The following ADAM23 variants were observed in gnomAD, a reference collection of about 807,000 sequenced individuals.
The protein encoded by ADAM23 is ADAM metallopeptidase domain 23.
ADAM23 carries 33 observed loss-of-function variants against 120.1 expected under a neutral mutation model. The observed-to-expected ratio is 0.27, with a 90% CI of 0.21 to 0.37. The LOEUF (loss-of-function observed/expected upper bound fraction) is 0.37, where lower values mean the gene tolerates loss of function less well. Among genes scored for constraint, ADAM23 ranks in the 10% least tolerant of loss-of-function variants. The pLI, the probability that ADAM23 is intolerant of heterozygous loss-of-function variation, is 1.00. For missense variants in ADAM23, 862 were observed against 1,058.2 expected (o/e 0.81, Z 2.57); for synonymous variants, 367 against 375.2 (o/e 0.98, Z 0.25).
At chr2:206,533,045 A>G (rs1697099432) in intron 4 of ADAM23, among the ~76,000 whole-genome samples, 2 of 152,104 alleles carry the variant, frequency 1.3e-5, no homozygotes, top group South Asian at 2.1e-4. Flanking sequence ...TTTTTAAAGC[A>G]TTTGTAAATA....
At chr2:206,473,064 A>G (rs904835239) in intron 2 of ADAM23, among the ~76,000 whole-genome samples, 4 of 152,130 alleles carry the variant, frequency 2.6e-5, no homozygotes, top group Non-Finnish European at 1.5e-5. Flanking sequence ...TCGGGCATGT[A>G]TGTTTCCCCC....
chr2:206,567,172 G>A, intron 14 of ADAM23, 51 bp from the exon 15 acceptor site: 1 of 1,403,900 alleles, frequency 7.1e-7, no homozygotes, highest in Non-Finnish European at 1.0e-6. Context: ...TTTCTTCTCT[G>A]ATGATTGCTT....
At chr2:206,597,485 G>A (rs1314578109) in intron 24 of ADAM23, among the ~76,000 whole-genome samples, 1 of 152,048 alleles carries the variant, frequency 6.6e-6, no homozygotes, top group Non-Finnish European at 1.5e-5. Flanking sequence ...ATCTTATAAT[G>A]TAGTCTGTGT....
rs1208838706 is a variant in ADAM23 at position 206,443,775 on chromosome 2, G to T, written c.-92G>T. The T allele has an allele frequency of 2.8e-6, 2 of 702,204 alleles. No individual in the cohort carries two copies. Among genetic ancestry groups the T allele is most frequent in the African/African-American group, 3.9e-5 (2 of 50,692 alleles). The allele number at this position is 702,204 out of a possible 1,614,324, so 43.5% of individuals were successfully genotyped here. On this transcript the variant is annotated 5_prime_UTR_variant, in exon 1 of 26. An upstream open reading frame in the 5' UTR gains an earlier in-frame stop. Transcript: ENST00000264377. Reference sequence around the variant, plus strand: ...TGCCCGCCGCGGCACCATGCGCGCCGAGCCGGCGTGACCGGCTCCGCCCGC... The same window carrying T: ...TGCCCGCCGCGGCACCATGCGCGCCTAGCCGGCGTGACCGGCTCCGCCCGC...
At chr2:206,521,046 C>G (rs528749485) in intron 3 of ADAM23, among the ~76,000 whole-genome samples, 2 of 152,014 alleles carry the variant, frequency 1.3e-5, no homozygotes, top group Non-Finnish European at 2.9e-5. Context: ...CAAATTGTAT[C>G]GTAGAGACTG....
chr2:206,508,655 C>CAAAAAAAAAAAA (rs34489352), intron 3 of ADAM23, among the ~76,000 whole-genome samples: 1 of 100,928 alleles, frequency 9.9e-6, no homozygotes, highest in African/African-American at 3.9e-5. Flanking sequence ...ACTCTGTCTC[C>CAAAAAAAAAAAA]AAAAAAAAAA....
chr2:206,573,416 A>G (rs532908686), intron 18 of ADAM23, among the ~76,000 whole-genome samples: 4 of 152,268 alleles, frequency 2.6e-5, no homozygotes, highest in Admixed American at 6.5e-5. Flanking sequence ...AGGTAATTTT[A>G]TGTAATATTT....
chr2:206,600,045 C>CA (rs1178431157), intron 24 of ADAM23, among the ~76,000 whole-genome samples: 2 of 152,022 alleles, frequency 1.3e-5, no homozygotes, highest in Admixed American at 6.5e-5. Context: ...ACTAAAAATA[C>CA]AAAAAAATTA....
rs115971848 is a variant in ADAM23 at position 206,540,759 on chromosome 2, T to C, written c.574-1293T>C. Reference sequence around the variant, plus strand: ...TGAAAAAAGAAAAATTGGTTGAAAGTAGATGTAGAGCGGTTAAGTCCCCAA... The same window carrying C: ...TGAAAAAAGAAAAATTGGTTGAAAGCAGATGTAGAGCGGTTAAGTCCCCAA... On this transcript the variant is annotated intron_variant, in intron 4 of 25. Coordinates refer to ENST00000264377, the MANE Select transcript of ADAM23 (RefSeq NM_003812.4). Among the ~76,000 whole-genome samples the C allele has an allele frequency of 1.7e-3, 263 of 151,920 alleles. 3 individuals carry two copies. The highest frequency in any genetic ancestry group is 6.2e-3 in the African/African-American group (257 of 41,434).
At chr2:206,516,092 C>T (rs923493319) in intron 3 of ADAM23, among the ~76,000 whole-genome samples, 2 of 151,696 alleles carry the variant, frequency 1.3e-5, no homozygotes, top group Admixed American at 1.3e-4. Context: ...CGTATATACC[C>T]ACCATCCAGG....
chr2:206,585,860 AAAAT>A (rs557276647), intron 18 of ADAM23, among the ~76,000 whole-genome samples: 3 of 152,238 alleles, frequency 2.0e-5, no homozygotes, highest in South Asian at 2.1e-4. Flanking sequence ...GACTTCTCTA[AAAAT>A]AAATAAATAA....
chr2:206,616,311 C>T (rs1176797329), intron 25 of ADAM23, among the ~76,000 whole-genome samples: 2 of 152,136 alleles, frequency 1.3e-5, no homozygotes, highest in African/African-American at 4.8e-5. Context: ...TAAAAGAGGG[C>T]TGGGTGGGAA....
Position 206,596,273 on chromosome 2 carries a change from T to C in ADAM23, c.2359+111T>C, listed in dbSNP as rs961937311. The C allele has an allele frequency of 3.0e-5, 22 of 745,410 alleles. No homozygotes were observed. The African/African-American group carries it at 3.5e-4, about 12-fold the overall frequency. The allele number at this position is 745,410 out of a possible 1,614,324, so 46.2% of individuals were successfully genotyped here. A position where few individuals can be genotyped will look rare whatever the true frequency, so the allele number is the denominator to read the frequency against. On this transcript the variant is annotated intron_variant, in intron 24 of 25. Coordinates refer to ENST00000264377, the MANE Select transcript of ADAM23 (RefSeq NM_003812.4). ...AAGAGGAGACACATAAGAATATCTGTTTTTGCCTTTAAAGTATATAATTTA... is the reference window on the plus strand; with the variant it reads ...AAGAGGAGACACATAAGAATATCTGCTTTTGCCTTTAAAGTATATAATTTA...
intron 18 of ADAM23, among the ~76,000 whole-genome samples, chr2:206,579,694 T>C (rs945628701): frequency 1.3e-5 from 2 of 152,258 alleles, no homozygotes; most frequent in Non-Finnish European, 2.9e-5. Context: ...TTGCTTAGTC[T>C]TGCTTTGGCT....
chr2:206,590,333 A>G (rs1475581921), intron 21 of ADAM23, among the ~76,000 whole-genome samples: 1 of 152,138 alleles, frequency 6.6e-6, no homozygotes, highest in African/African-American at 2.4e-5. Context: ...CCTGGCCTCA[A>G]GTGATCCGCC....
chr2:206,616,517 AATAAGAACTT>A (rs1296257506), intron 25 of ADAM23, among the ~76,000 whole-genome samples: 1 of 152,198 alleles, frequency 6.6e-6, no homozygotes, highest in Non-Finnish European at 1.5e-5. Flanking sequence ...TCTTGGGAAA[AATAAGAACTT>A]TGCAGGATGC....
intron 18 of ADAM23, among the ~76,000 whole-genome samples, chr2:206,586,034 C>T (rs1473717810): frequency 2.6e-5 from 4 of 152,044 alleles, no homozygotes; most frequent in Non-Finnish European, 5.9e-5. Flanking sequence ...TGAGCCATGC[C>T]GAAATCCAGA....
At chr2:206,503,324 A>G (rs1283393612) in intron 3 of ADAM23, among the ~76,000 whole-genome samples, 1 of 152,036 alleles carries the variant, frequency 6.6e-6, no homozygotes, top group Middle Eastern at 3.2e-3. Context: ...CTTACAGTAG[A>G]CAAGAAGGTA....
In ADAM23 at chr2:206,543,600, A is replaced by G. The variant is rs1407108310; in HGVS notation, c.720+284A>G. On this transcript the variant is annotated intron_variant, in intron 6 of 25. Coordinates refer to ENST00000264377, the MANE Select transcript of ADAM23 (RefSeq NM_003812.4). ...GAGGATATTTTGTTTTGTATTAGCC[A>G]GCCTCCTTACTTTAAACTAGCTTTC... Among the ~76,000 whole-genome samples, 2 of 152,174 alleles carry G rather than the reference A, an allele frequency of 1.3e-5. 1 individual carries two copies. The highest frequency in any genetic ancestry group is 2.9e-5 in the Non-Finnish European group (2 of 68,022).
Sources: allele counts gnomAD v4.1 joint callset (sites outside exome capture counted in the v4.1 genomes callset), GRCh38; gene constraint gnomAD v4.1.1; transcripts MANE v1.5; gene names NCBI Gene and HGNC (gene_info 2026-07-23, HGNC 2026-07-21).